RAB38: variants seen among roughly 807,000 people sequenced by gnomAD.
The protein encoded by RAB38 is ras-related protein Rab-38.
A neutral mutation model predicts 18.4 loss-of-function variants in RAB38; 15 were observed. The ratio of observed to expected loss-of-function variants is 0.82; its 90% CI spans 0.55 to 1.26. The LOEUF (loss-of-function observed/expected upper bound fraction) is 1.26, where lower values mean the gene tolerates loss of function less well. Ranked by LOEUF, RAB38 falls within the 50% of genes most tolerant of loss-of-function variation. The probability of loss-of-function intolerance (pLI) is 0.00; values close to 1 mark genes in which losing one functional copy is unlikely to be tolerated. For synonymous variants in RAB38, 101 were observed against 104.4 expected (o/e 0.97, Z 0.20); for missense variants, 294 against 267.4 (o/e 1.10, Z -0.69).
chr11:88,085,805 A>C, the RAB38 span, among the ~76,000 whole-genome samples: 1 of 151,952 alleles, frequency 6.6e-6, no homozygotes, highest in African/African-American at 2.4e-5. Flanking sequence ...ACAAAGCCTG[A>C]AGTATTTTCT....
At chr11:87,873,898 A>G in the RAB38 span, among the ~76,000 whole-genome samples, 4 of 91,706 alleles carry the variant, frequency 4.4e-5, no homozygotes, top group East Asian at 7.5e-4. Context: ...GTGTGTATAT[A>G]TATATATATA....
chr11:88,175,106 G>T, intron 1 of RAB38, 77 bp downstream of exon 1: 1 of 1,427,918 alleles, frequency 7.0e-7, no homozygotes, highest in Non-Finnish European at 9.3e-7. Context: ...CTCACGCTTG[G>T]CCGCAAGCCG....
chr11:88,133,724 A>G (rs1942794739), intron 2 of RAB38, among the ~76,000 whole-genome samples: 1 of 152,250 alleles, frequency 6.6e-6, no homozygotes, highest in South Asian at 2.1e-4. Context: ...AATGATGTAT[A>G]ATCTGACTTT....
At chr11:87,823,915 A>G in the RAB38 span, among the ~76,000 whole-genome samples, 6 of 152,308 alleles carry the variant, frequency 3.9e-5, no homozygotes, top group East Asian at 3.9e-4. Flanking sequence ...CTAGTACACA[A>G]TGTCTGTGAA....
the RAB38 span, among the ~76,000 whole-genome samples, chr11:87,887,701 G>C: frequency 2.0e-5 from 3 of 151,912 alleles, no homozygotes; most frequent in African/African-American, 7.2e-5. Context: ...TCATGTCATG[G>C]CCAGACCTTG....
the RAB38 span, among the ~76,000 whole-genome samples, chr11:87,823,979 G>A: frequency 6.6e-6 from 1 of 152,150 alleles, no homozygotes; most frequent in African/African-American, 2.4e-5. Context: ...AACAGCTCAT[G>A]AAATTAAAGG....
At chr11:88,131,751 C>G (rs1042912374) in intron 2 of RAB38, among the ~76,000 whole-genome samples, 6 of 152,192 alleles carry the variant, frequency 3.9e-5, no homozygotes, top group South Asian at 4.1e-4. Flanking sequence ...ATGTCCACCC[C>G]CTAGGGTCAT....
At chr11:88,031,837 T>C in the RAB38 span, among the ~76,000 whole-genome samples, 1 of 152,180 alleles carries the variant, frequency 6.6e-6, no homozygotes, top group Non-Finnish European at 1.5e-5. Context: ...ACCATTCCCA[T>C]GAAGCTACCA....
At chr11:87,902,235 T>A in the RAB38 span, among the ~76,000 whole-genome samples, 2 of 151,526 alleles carry the variant, frequency 1.3e-5, no homozygotes, top group Non-Finnish European at 3.0e-5. Context: ...GAAATTTCTA[T>A]AATAAGGCCA....
chr11:87,832,043 G>C, the RAB38 span, among the ~76,000 whole-genome samples: 1 of 152,216 alleles, frequency 6.6e-6, no homozygotes, highest in African/African-American at 2.4e-5. Context: ...CATCTGACAT[G>C]AGCTGAAGGC....
At chr11:88,088,791 G>A in the RAB38 span, among the ~76,000 whole-genome samples, 1 of 151,778 alleles carries the variant, frequency 6.6e-6, no homozygotes, top group African/African-American at 2.4e-5. Flanking sequence ...GAGTCAAAAT[G>A]TAAAAGCCAA....
At chr11:87,969,131 G>A in the RAB38 span, among the ~76,000 whole-genome samples, 5 of 151,984 alleles carry the variant, frequency 3.3e-5, no homozygotes, top group African/African-American at 1.2e-4. Context: ...GGGGGACAAG[G>A]AAGAAGATAA....
At chr11:87,816,537 A>G in the RAB38 span, 1 of 152,120 alleles carries the variant, frequency 6.6e-6, no homozygotes, top group Non-Finnish European at 1.5e-5. Flanking sequence ...TGAATAATTG[A>G]ATATGATCAG....
At chr11:87,958,403 C>T in the RAB38 span, among the ~76,000 whole-genome samples, 38 of 152,176 alleles carry the variant, frequency 2.5e-4, no homozygotes, top group Non-Finnish European at 4.0e-4. Context: ...TTGGGCTCTG[C>T]TCTTAAGGAG....
At chr11:87,952,662 G>C in the RAB38 span, among the ~76,000 whole-genome samples, 1 of 152,142 alleles carries the variant, frequency 6.6e-6, no homozygotes, top group Non-Finnish European at 1.5e-5. Context: ...ACTATGCATG[G>C]TTTCGGACAT....
the RAB38 span, among the ~76,000 whole-genome samples, chr11:88,086,431 A>G: frequency 6.6e-6 from 1 of 151,932 alleles, no homozygotes; most frequent in African/African-American, 2.4e-5. Context: ...CTCTGTCCCT[A>G]GACAAGGTAA....
the RAB38 span, among the ~76,000 whole-genome samples, chr11:87,831,825 T>C: frequency 5.6e-4 from 86 of 152,304 alleles, no homozygotes; most frequent in African/African-American, 1.7e-3. Context: ...AGAATATTAA[T>C]GTGGCAGAAA....
At chr11:87,938,904 C>G in the RAB38 span, among the ~76,000 whole-genome samples, 1 of 151,878 alleles carries the variant, frequency 6.6e-6, no homozygotes, top group Non-Finnish European at 1.5e-5. Flanking sequence ...TATAAGGTTT[C>G]AATTGTACTT....
the RAB38 span, among the ~76,000 whole-genome samples, chr11:88,083,123 C>A: frequency 6.6e-6 from 1 of 151,766 alleles, no homozygotes; most frequent in African/African-American, 2.4e-5. Flanking sequence ...AGATGCAAGG[C>A]TCGCTCCCTC....
Sources: gnomAD v4.1 joint callset for allele counts (sites outside exome capture counted in the v4.1 genomes callset) on GRCh38, gnomAD v4.1.1 for gene constraint, MANE v1.5 for transcripts, NCBI Gene and HGNC (gene_info 2026-07-23, HGNC 2026-07-21) for gene names.